Variants in SMIM13 observed in about 807,000 individuals in gnomAD.
SMIM13 encodes small integral membrane protein 13, also known as UPF0766 protein C6orf228.
In SMIM13, 3 loss-of-function variants were observed where a neutral mutation model predicts 5.9. The observed-to-expected ratio is 0.51, with a 90% CI of 0.23 to 1.31. SMIM13 has a LOEUF of 1.31. SMIM13 is among the 40% of genes most tolerant of loss of function. SMIM13 has a pLI of 0.18. For missense variants in SMIM13, 85 were observed against 109.9 expected, an observed-to-expected ratio of 0.77 and a Z score of 1.01; for synonymous variants, 55 against 46.0, an observed-to-expected ratio of 1.19 and a Z score of -0.79.
At chr6:11,117,369 G>C (rs1758256021) in intron 1 of SMIM13, among the ~76,000 whole-genome samples, 1 of 150,242 alleles carries the variant, frequency 6.7e-6, no homozygotes, top group African/African-American at 2.4e-5. Context: ...ATAGAGACGG[G>C]GTTTCACCAG....
At chr6:11,134,323 ACCC>A (rs987924557) in intron 1 of SMIM13, 77 bp from the exon 2 acceptor site, 325 of 925,674 alleles carry the variant, frequency 3.5e-4, no homozygotes, top group Non-Finnish European at 5.1e-4. Context: ...TTTGTAATAT[ACCC>A]CCCATTAACT....
intron 1 of SMIM13, among the ~76,000 whole-genome samples, chr6:11,102,326 A>G (rs547597634): frequency 2.0e-5 from 3 of 152,238 alleles, no homozygotes; most frequent in Non-Finnish European, 4.4e-5. Flanking sequence ...AACTATCCTT[A>G]GATTAATACA....
intron 1 of SMIM13, among the ~76,000 whole-genome samples, chr6:11,123,157 T>C (rs1426990415): frequency 2.0e-5 from 3 of 152,270 alleles, no homozygotes; most frequent in East Asian, 3.9e-4. Context: ...AGATTCTACG[T>C]TGTGTTTTTT....
At chr6:11,129,146 AT>A (rs1024794186) in intron 1 of SMIM13, among the ~76,000 whole-genome samples, 2 of 151,322 alleles carry the variant, frequency 1.3e-5, no homozygotes, top group African/African-American at 4.9e-5. Context: ...CTCTAATTGT[AT>A]TTTTATACCC....
chr6:11,116,210 G>A (rs1436925230), intron 1 of SMIM13, among the ~76,000 whole-genome samples: 7 of 151,824 alleles, frequency 4.6e-5, no homozygotes, highest in Non-Finnish European at 1.0e-4. Context: ...CTAGAGATGG[G>A]GTTTCCCCAT....
chr6:11,109,007 G>A (rs1459197678), intron 1 of SMIM13, among the ~76,000 whole-genome samples: 1 of 152,206 alleles, frequency 6.6e-6, no homozygotes, highest in East Asian at 1.9e-4. Flanking sequence ...AGAGGAACAT[G>A]TGGGTCCTTG....
rs899047616 is a variant in SMIM13, at chr6:11,093,956, T to C, written c.-358T>C. The C allele has an allele frequency of 6.6e-6, 1 of 152,216 alleles. No individual in the cohort carries two copies. Among genetic ancestry groups the C allele is most frequent in the Non-Finnish European group, 1.5e-5 (1 of 68,086 alleles). 9.4% of individuals were successfully genotyped at this position (152,216 alleles called of 1,614,324 possible). A position where few individuals can be genotyped will look rare whatever the true frequency, so the allele number is the denominator to read the frequency against. ...CGTGTGTACCCGTGCTTACCCTCTG[T>C]CCTCCCTACAGGCGCGCGGCGTCCG... On this transcript the variant is annotated 5_prime_UTR_variant, in exon 1 of 2. Transcript: ENST00000416247.
chr6:11,106,688 C>T (rs1346465017), intron 1 of SMIM13, among the ~76,000 whole-genome samples: 1 of 152,220 alleles, frequency 6.6e-6, no homozygotes, highest in African/African-American at 2.4e-5. Context: ...AGCAAGGCCC[C>T]CATGAAGGTA....
At chr6:11,127,705 C>G (rs1048306278) in intron 1 of SMIM13, among the ~76,000 whole-genome samples, 1 of 152,174 alleles carries the variant, frequency 6.6e-6, no homozygotes. Flanking sequence ...ACCAGGAGAA[C>G]AGTATGGGGG....
Position 11,135,871 on chromosome 6 carries a change from G to T in SMIM13, c.*1269G>T, listed in dbSNP as rs896899516. ...GTTTTTTCTTAGTGATACATATGGT[G>T]CATCTTAACAATTGGTAGTGTCTTA... On this transcript the variant is annotated 3_prime_UTR_variant, in exon 2 of 2. Transcript: ENST00000416247. The T allele has an allele frequency of 2.0e-5, 3 of 152,308 alleles. No homozygotes were observed. Among genetic ancestry groups the T allele is most frequent in the African/African-American group, 7.2e-5 (3 of 41,566 alleles). The allele number at this position is 152,308 out of a possible 1,614,324, so 9.4% of individuals were successfully genotyped here.
chr6:11,133,367 A>G (rs997366818), intron 1 of SMIM13, among the ~76,000 whole-genome samples: 1 of 152,198 alleles, frequency 6.6e-6, no homozygotes, highest in African/African-American at 2.4e-5. Flanking sequence ...AGGGGTTTAT[A>G]GTAATTTTTT....
In SMIM13 at chr6:11,102,805, C is replaced by T. The variant is rs1128291; in HGVS notation, c.76+8416C>T. Reference sequence around the variant, plus strand: ...TGCAGCAGACTCCATCCTTGCCCCCCGGAGGAGAGGAGGGAATTTGGCCGG... The same window carrying T: ...TGCAGCAGACTCCATCCTTGCCCCCTGGAGGAGAGGAGGGAATTTGGCCGG... On this transcript the variant is annotated intron_variant, in intron 1 of 1. Coordinates refer to ENST00000416247, the MANE Select transcript of SMIM13 (RefSeq NM_001135575.2). 0.21 allele frequency: 31,648 copies of T among 152,042 alleles called. 3,719 individuals carry two copies. The highest frequency in any genetic ancestry group is 0.45 in the East Asian group (2,316 of 5,154). The allele number at this position is 152,042 out of a possible 1,614,324, so 9.4% of individuals were successfully genotyped here. A position where few individuals can be genotyped will look rare whatever the true frequency, so the allele number is the denominator to read the frequency against.
intron 1 of SMIM13, chr6:11,103,442 C>T (rs1581911042): frequency 2.1e-6 from 1 of 485,634 alleles, no homozygotes. Flanking sequence ...TAGCTACCTG[C>T]TCCAACATTT....
intron 1 of SMIM13, among the ~76,000 whole-genome samples, chr6:11,108,400 G>A (rs1758119574): frequency 6.6e-6 from 1 of 152,204 alleles, no homozygotes. Flanking sequence ...TCAGCTCAAG[G>A]AGCTGAAGGT....
In SMIM13 at chr6:11,134,430, T is replaced by A. The variant is rs1758491139; in HGVS notation, c.104T>A (p.Leu35Ter). 1.3e-6 allele frequency: 2 copies of A among 1,550,902 alleles called. No individual in the cohort carries two copies. The highest frequency in any genetic ancestry group is 1.4e-5 in the African/African-American group (1 of 72,988). Residue 35 changes from leucine (L) to a stop codon, truncating the protein, a stop_gained, in exon 2 of 2, where the codon TTA (leucine) becomes TAA (stop). Transcript: ENST00000416247. LOFTEE classifies it high-confidence loss of function. Reference protein sequence around the residue: ...CGWYFVWHLFLSKFKFLRELV... With the variant: ...CGWYFVWHLF The stretch of plus-strand genomic sequence containing the variant: ...TGGTATTTTGTATGGCATCTTTTTT[T>A]ATCAAAATTCAAGTTTCTCCGGGAA...
intron 1 of SMIM13, among the ~76,000 whole-genome samples, chr6:11,128,665 T>C (rs1758409885): frequency 6.6e-6 from 1 of 152,162 alleles, no homozygotes; most frequent in African/African-American, 2.4e-5. Flanking sequence ...CAGAGCACTT[T>C]AGCCCATGGT....
At chr6:11,094,444 T>C (rs1240752921) in intron 1 of SMIM13, 55 bp downstream of exon 1, 2 of 1,289,842 alleles carry the variant, frequency 1.6e-6, no homozygotes, top group African/African-American at 3.1e-5. Context: ...GCTGATCTGC[T>C]GGGGTTTTTT....
intron 1 of SMIM13, chr6:11,103,734 G>C: frequency 6.4e-7 from 1 of 1,551,682 alleles, no homozygotes; most frequent in South Asian, 1.2e-5. Flanking sequence ...ATGGCGTCCT[G>C]CACTGAGATT....
intron 1 of SMIM13, among the ~76,000 whole-genome samples, chr6:11,133,786 T>C (rs538336655): frequency 1.3e-4 from 19 of 151,966 alleles, no homozygotes; most frequent in African/African-American, 3.9e-4. Flanking sequence ...TTTAATGACA[T>C]TGATGTGAAA....
Sources: gnomAD v4.1 joint callset for allele counts (sites outside exome capture counted in the v4.1 genomes callset) on GRCh38, gnomAD v4.1.1 for gene constraint, MANE v1.5 for transcripts, NCBI Gene and HGNC (gene_info 2026-07-23, HGNC 2026-07-21) for gene names.